The following CSMD1 variants were observed in gnomAD, a reference collection of about 807,000 sequenced individuals.
The protein encoded by CSMD1 is CUB and Sushi multiple domains 1.
CSMD1 carries 213 observed loss-of-function variants against 417.5 expected under a neutral mutation model. The ratio of observed to expected loss-of-function variants is 0.51; its 90% CI spans 0.46 to 0.57. The LOEUF is 0.57. CSMD1 is among the 20% of genes least tolerant of loss of function. The pLI is 0.00. For synonymous variants in CSMD1, 2,862 were observed against 1,736.8 expected (o/e 1.65, Z -16.11); for missense variants, 6,923 against 4,529.7 (o/e 1.53, Z -15.17).
At chr8:3,501,190 A>T (rs1374262786) in intron 10 of CSMD1, among the ~76,000 whole-genome samples, 1 of 152,194 alleles carries the variant, frequency 6.6e-6, no homozygotes, top group Non-Finnish European at 1.5e-5. Context: ...AAAGAATCCA[A>T]ATATATCAAC....
At chr8:3,657,325 G>T (rs1798179644) in intron 7 of CSMD1, among the ~76,000 whole-genome samples, 1 of 152,066 alleles carries the variant, frequency 6.6e-6, no homozygotes. Flanking sequence ...AATAAAATAA[G>T]ATACCTAAGA....
chr8:3,752,701 A>C (rs985512291), intron 6 of CSMD1, among the ~76,000 whole-genome samples: 43 of 151,332 alleles, frequency 2.8e-4, no homozygotes, highest in Non-Finnish European at 4.6e-4. Flanking sequence ...AAAAAAAAAA[A>C]AAACATATTT....
intron 26 of CSMD1, among the ~76,000 whole-genome samples, chr8:3,235,558 C>T (rs759017518): frequency 3.0e-4 from 45 of 152,246 alleles, no homozygotes; most frequent in South Asian, 2.1e-4. Context: ...CAGAGCTGTA[C>T]CACAGTAAAA....
rs138364014 is a variant in CSMD1, at chr8:3,932,523, T to G, written c.818+65380A>C. Among the ~76,000 whole-genome samples the G allele has an allele frequency of 4.0e-5, 6 of 150,562 alleles. No individual in the cohort carries two copies. The East Asian group carries it at 1.2e-3, about 30-fold the overall frequency. Reference sequence around the variant, plus strand: ...GGGAAAGCAGCAGATGTTAGCCTTATTAAATCAATCAAGCCCCACAATTAA... The same window carrying G: ...GGGAAAGCAGCAGATGTTAGCCTTAGTAAATCAATCAAGCCCCACAATTAA... On this transcript the variant is annotated intron_variant, in intron 5 of 69. Transcript: ENST00000635120.
At chr8:3,285,678 C>A (rs1410750838) in intron 25 of CSMD1, among the ~76,000 whole-genome samples, 4 of 152,002 alleles carry the variant, frequency 2.6e-5, no homozygotes, top group African/African-American at 9.7e-5. Flanking sequence ...TGATTACAGG[C>A]ATGAGCCACC....
In CSMD1 at chr8:3,219,398, C is replaced by A; in HGVS notation, c.4529G>T (p.Gly1510Val). ...PSYDFLHIYE[G>V]EDSNSPLIGS... ...AATGAGGGGGCTGTTGGAATCTTCC[C>A]CTTCATAGATGTGTAGGAAGTCATA... Residue 1510 changes from glycine (G) to valine (V), a missense_variant, in exon 29 of 70, where the codon GGG (glycine) becomes GTG (valine). Physicochemically the swap from Gly to Val is moderately radical, Grantham distance 109 (BLOSUM62 -3). Transcript: ENST00000635120. 1 of 1,560,478 alleles carries A rather than the reference C, an allele frequency of 6.4e-7. No homozygotes were observed. Among genetic ancestry groups the A allele is most frequent in the East Asian group, 2.3e-5 (1 of 42,700 alleles).
intron 2 of CSMD1, among the ~76,000 whole-genome samples, chr8:4,535,131 C>T (rs77324530): frequency 0.094 from 14,375 of 152,154 alleles, 827 homozygotes; most frequent in East Asian, 0.21. Flanking sequence ...AACATAATCT[C>T]CCATATATAA....
chr8:3,030,797 C>A (rs1389440962), intron 50 of CSMD1, among the ~76,000 whole-genome samples: 1 of 152,018 alleles, frequency 6.6e-6, no homozygotes, highest in Non-Finnish European at 1.5e-5. Flanking sequence ...TATTCAAATT[C>A]TATACAAGTT....
intron 5 of CSMD1, among the ~76,000 whole-genome samples, chr8:3,871,694 AG>A (rs1805492632): frequency 6.6e-6 from 1 of 152,180 alleles, no homozygotes; most frequent in African/African-American, 2.4e-5. Flanking sequence ...ATTTTCACCC[AG>A]GTAAATGTGT....
chr8:4,954,887 G>A (rs1351463860), intron 1 of CSMD1, among the ~76,000 whole-genome samples: 3 of 152,184 alleles, frequency 2.0e-5, no homozygotes, highest in Non-Finnish European at 4.4e-5. Context: ...GGAATTCAGA[G>A]TACTTTGTTT....
chr8:3,465,050 G>A (rs1377917793), intron 12 of CSMD1, among the ~76,000 whole-genome samples: 1 of 152,146 alleles, frequency 6.6e-6, no homozygotes, highest in Non-Finnish European at 1.5e-5. Flanking sequence ...TAGGGAATAT[G>A]TATAACACAT....
chr8:3,544,895 G>C (rs1429238714), intron 10 of CSMD1, among the ~76,000 whole-genome samples: 1 of 152,184 alleles, frequency 6.6e-6, no homozygotes, highest in Admixed American at 6.5e-5. Flanking sequence ...TTATTTCTAT[G>C]AATTAATACC....
chr8:4,484,651 T>C (rs1173329585), intron 2 of CSMD1, among the ~76,000 whole-genome samples: 1 of 151,944 alleles, frequency 6.6e-6, no homozygotes, highest in Non-Finnish European at 1.5e-5. Flanking sequence ...TCTTCCTGCA[T>C]GGTCCCTACC....
At chr8:3,735,868 T>C (rs34576703) in intron 6 of CSMD1, among the ~76,000 whole-genome samples, 47,330 of 152,120 alleles carry the variant, frequency 0.31, 7,927 homozygotes, top group Non-Finnish European at 0.37. Context: ...CCTAGAATTT[T>C]TCTAAATATA....
chr8:3,441,643 C>T (rs1170903326), intron 12 of CSMD1, among the ~76,000 whole-genome samples: 3 of 151,960 alleles, frequency 2.0e-5, no homozygotes. Flanking sequence ...AGCCATTGAT[C>T]ATAGCACAAT....
At chr8:3,270,513 T>A (rs1180305452) in intron 26 of CSMD1, among the ~76,000 whole-genome samples, 1 of 152,234 alleles carries the variant, frequency 6.6e-6, no homozygotes, top group African/African-American at 2.4e-5. Context: ...CTATTCTGCC[T>A]GATTTCCAAC....
intron 1 of CSMD1, among the ~76,000 whole-genome samples, chr8:4,727,083 C>T (rs778760723): frequency 1.2e-4 from 18 of 152,020 alleles, no homozygotes; most frequent in Non-Finnish European, 2.2e-4. Flanking sequence ...GGCTTTCTAC[C>T]GGCTGAGTAG....
At chr8:3,734,810 T>C (rs2129048646) in intron 6 of CSMD1, among the ~76,000 whole-genome samples, 1 of 152,362 alleles carries the variant, frequency 6.6e-6, no homozygotes, top group South Asian at 2.1e-4. Context: ...TGAGGCCCCG[T>C]GACGGGGATA....
At position 3,091,596 on chromosome 8, in the gene CSMD1, G is replaced by A. The variant is rs981286020; in HGVS notation, c.7205C>T (p.Thr2402Ile). Residue 2402 changes from threonine (T) to isoleucine (I), a missense_variant, in exon 48 of 70, where the codon ACA becomes ATA. By Grantham distance (89) the Thr-to-Ile change is moderately conservative (BLOSUM62 -1). Transcript: ENST00000635120. ...SGNHTEQSNF[T>I]SRSNQLYLRW... ...GAGATATAACTGATTACTCCTGCTT[G>A]TAAAATTTGATTGTTCAGTATGATT... The A allele has an allele frequency of 1.2e-6, 2 of 1,611,234 alleles. No individual in the cohort carries two copies. The highest frequency in any genetic ancestry group is 1.3e-5 in the African/African-American group (1 of 74,824).
Sources: allele counts gnomAD v4.1 joint callset (sites outside exome capture counted in the v4.1 genomes callset), GRCh38; gene constraint gnomAD v4.1.1; transcripts MANE v1.5; gene names NCBI Gene and HGNC (gene_info 2026-07-23, HGNC 2026-07-21).